Variants in SLC16A7 observed in about 807,000 individuals in gnomAD.
SLC16A7 encodes the protein monocarboxylate transporter 2.
SLC16A7 carries 33 observed loss-of-function variants against 34.9 expected under a neutral mutation model. The observed-to-expected ratio is 0.94, with a 90% CI of 0.72 to 1.26. SLC16A7 has a LOEUF of 1.26. Among genes scored for constraint, SLC16A7 ranks in the 50% most tolerant of loss-of-function variants. SLC16A7 has a pLI of 0.00. For missense variants in SLC16A7, 573 were observed against 578.1 expected (o/e 0.99, Z 0.09); for synonymous variants, 201 against 206.6 (o/e 0.97, Z 0.23).
In SLC16A7 at chr12:59,775,329, T is replaced by C. The variant is rs1270502018; in HGVS notation, c.1034T>C (p.Val345Ala). The C allele has an allele frequency of 1.9e-6, 3 of 1,614,200 alleles. No homozygotes were observed. The highest frequency in any genetic ancestry group is 2.5e-6 in the Non-Finnish European group (3 of 1,180,016). Residue 345 changes from valine to alanine, a missense_variant, in exon 5 of 6, where the codon GTA becomes GCA. Coordinates refer to ENST00000547379, the MANE Select transcript of SLC16A7 (RefSeq NM_001270623.2). ...TACACAAGCCTGGTATTATATGCTG[T>C]ATTTTTTGGCCTTGGATTTGGGAGT... ...QDYTSLVLYA[V>A]FFGLGFGSVS...
At chr12:59,631,729 A>C (rs967003038) in intron 1 of SLC16A7, among the ~76,000 whole-genome samples, 1 of 151,854 alleles carries the variant, frequency 6.6e-6, no homozygotes, top group African/African-American at 2.4e-5. Flanking sequence ...CCTTATGTCC[A>C]TGTGTTCTCA....
chr12:59,620,891 C>T (rs1023340043), intron 1 of SLC16A7, among the ~76,000 whole-genome samples: 12 of 151,884 alleles, frequency 7.9e-5, no homozygotes, highest in African/African-American at 2.9e-4. Flanking sequence ...AATTATCCTT[C>T]ACACCAATGT....
At chr12:59,766,863 A>T (rs1881700762) in intron 3 of SLC16A7, among the ~76,000 whole-genome samples, 1 of 151,944 alleles carries the variant, frequency 6.6e-6, no homozygotes, top group Admixed American at 6.6e-5. Flanking sequence ...GTTAGGGAGG[A>T]TTCCCTCTTT....
intron 1 of SLC16A7, among the ~76,000 whole-genome samples, chr12:59,635,589 C>G (rs909221496): frequency 2.0e-5 from 3 of 151,984 alleles, no homozygotes; most frequent in African/African-American, 7.2e-5. Context: ...TTATTTTTAT[C>G]TGTTTGAAAA....
rs962532789 is a variant in SLC16A7, at chr12:59,774,946, T to C, written c.651T>C (p.Asp217=). The change falls in exon 5 of 6, where the codon GAT becomes GAC. Residue 217 remains aspartate (D), a synonymous_variant. Transcript: ENST00000547379. ...SKNKTGKTED[D]SSPKKIKTKK... The stretch of plus-strand genomic sequence containing the variant: ...ATAAGACTGGCAAAACAGAAGATGA[T>C]TCAAGCCCAAAGAAAATCAAAACGA... 1.9e-6 allele frequency: 3 copies of C among 1,613,922 alleles called. No individual in the cohort carries two copies. The Admixed American group carries it at 5.0e-5, about 27-fold the overall frequency.
At chr12:59,614,122 C>T (rs1019899560) in intron 1 of SLC16A7, among the ~76,000 whole-genome samples, 2 of 150,904 alleles carry the variant, frequency 1.3e-5, no homozygotes, top group Non-Finnish European at 2.9e-5. Context: ...GCGATCTCGA[C>T]TCACTGCAGC....
intron 1 of SLC16A7, among the ~76,000 whole-genome samples, chr12:59,626,450 A>G (rs533796076): frequency 1.5e-4 from 23 of 151,942 alleles, no homozygotes; most frequent in Non-Finnish European, 4.4e-5. Context: ...TCATTGATTC[A>G]TCTCATTAAT....
At chr12:59,685,919 C>T (rs1871121637) in intron 2 of SLC16A7, among the ~76,000 whole-genome samples, 3 of 151,890 alleles carry the variant, frequency 2.0e-5, no homozygotes. Context: ...CTGAGGATCT[C>T]ATATCATAAC....
chr12:59,745,844 CAGTGCCTAG>C (rs1878834888), intron 3 of SLC16A7, among the ~76,000 whole-genome samples: 1 of 152,202 alleles, frequency 6.6e-6, no homozygotes, highest in African/African-American at 2.4e-5. Context: ...TCTGTATCAT[CAGTGCCTAG>C]AGCTATGTTT....
chr12:59,689,751 A>G (rs1871430828), intron 2 of SLC16A7, among the ~76,000 whole-genome samples: 1 of 152,040 alleles, frequency 6.6e-6, no homozygotes, highest in Non-Finnish European at 1.5e-5. Flanking sequence ...TGAGAAAAGA[A>G]CCAAAACACC....
At chr12:59,766,814 A>T (rs1424693478) in intron 3 of SLC16A7, among the ~76,000 whole-genome samples, 1 of 152,024 alleles carries the variant, frequency 6.6e-6, no homozygotes, top group African/African-American at 2.4e-5. Flanking sequence ...TGTCTCTGCC[A>T]GGCTTTGGTA....
chr12:59,674,678 A>C (rs1870160006), intron 2 of SLC16A7, among the ~76,000 whole-genome samples: 1 of 152,180 alleles, frequency 6.6e-6, no homozygotes, highest in African/African-American at 2.4e-5. Flanking sequence ...ATGAAGGTGC[A>C]AAAAAGAGGA....
In SLC16A7 at chr12:59,729,224, C is replaced by A. The variant is rs553736005; in HGVS notation, c.217+24206C>A. 2.6e-5 allele frequency among the ~76,000 whole-genome samples: 4 copies of A among 152,190 alleles called. No individual in the cohort carries two copies. The East Asian group carries it at 7.7e-4, about 29-fold the overall frequency. On this transcript the variant is annotated intron_variant, in intron 3 of 5. Transcript: ENST00000547379. ...ATTAAGGTTACTGTTAAGGCCTATA[C>A]AATTTACACAATTTCACAGAATCCA...
At chr12:59,665,875 T>C (rs903140560) in intron 2 of SLC16A7, among the ~76,000 whole-genome samples, 1 of 151,924 alleles carries the variant, frequency 6.6e-6, no homozygotes, top group Admixed American at 6.6e-5. Flanking sequence ...CTTTCTAAAG[T>C]GTCTGACCTT....
At chr12:59,689,283 A>G (rs942970341) in intron 2 of SLC16A7, 2 of 152,026 alleles carry the variant, frequency 1.3e-5, no homozygotes, top group Non-Finnish European at 2.9e-5. Flanking sequence ...GGGGTCATAG[A>G]ATCCTGAGAC....
In SLC16A7 at chr12:59,771,278, G is replaced by A; in HGVS notation, c.277G>A (p.Gly93Ser). 1 of 1,613,426 alleles carries A rather than the reference G, an allele frequency of 6.2e-7. No individual in the cohort carries two copies. Among genetic ancestry groups the A allele is most frequent in the Non-Finnish European group, 8.5e-7 (1 of 1,179,622 alleles). ...CAGCCGGCCGGTGGTGATAGCAGGAGGCTTATTATGCTGTCTTGGAATGGT... is the reference window on the plus strand; with the variant it reads ...CAGCCGGCCGGTGGTGATAGCAGGAAGCTTATTATGCTGTCTTGGAATGGT... ...YGSRPVVIAG[G>S]LLCCLGMVLA... Residue 93 changes from glycine (G) to serine (S), a missense_variant, in exon 4 of 6, where the codon GGC (glycine) becomes AGC (serine). Transcript: ENST00000547379.
At chr12:59,681,826 A>AT (rs1049723836) in intron 2 of SLC16A7, among the ~76,000 whole-genome samples, 28 of 152,064 alleles carry the variant, frequency 1.8e-4, no homozygotes, top group Admixed American at 7.9e-4. Flanking sequence ...CATTCAGGTC[A>AT]TTTTTTCTTA....
At chr12:59,683,503 T>A (rs1870909731) in intron 2 of SLC16A7, among the ~76,000 whole-genome samples, 2 of 152,086 alleles carry the variant, frequency 1.3e-5, no homozygotes, top group African/African-American at 4.8e-5. Context: ...AAAAAGAAGA[T>A]GCATTCAAGA....
At chr12:59,615,480 C>T (rs1879406810) in intron 1 of SLC16A7, among the ~76,000 whole-genome samples, 2 of 152,150 alleles carry the variant, frequency 1.3e-5, no homozygotes, top group South Asian at 4.1e-4. Context: ...GTTTTTTTTA[C>T]AATCTCTTGT....
Sources: gnomAD v4.1 joint callset for allele counts (sites outside exome capture counted in the v4.1 genomes callset) on GRCh38, gnomAD v4.1.1 for gene constraint, MANE v1.5 for transcripts, NCBI Gene and HGNC (gene_info 2026-07-23, HGNC 2026-07-21) for gene names.